The following ZBED5 variants were observed in gnomAD, a reference collection of about 807,000 sequenced individuals.
The protein encoded by ZBED5 is zinc finger BED-type containing 5.
ZBED5 carries 29 observed loss-of-function variants against 49.2 expected under a neutral mutation model. The ratio of observed to expected loss-of-function variants is 0.59; its 90% CI spans 0.44 to 0.80. ZBED5 has a LOEUF of 0.80. Among genes scored for constraint, ZBED5 ranks in the 30% least tolerant of loss-of-function variants. ZBED5 has a pLI of 0.00. For missense variants in ZBED5, 775 were observed against 812.9 expected, an observed-to-expected ratio of 0.95 and a Z score of 0.57; for synonymous variants, 281 against 292.5, an observed-to-expected ratio of 0.96 and a Z score of 0.40.
At position 10,857,429 on chromosome 11, in the gene ZBED5, A is replaced by G. The variant is rs1848198389; in HGVS notation, c.-256+433T>C. The G allele has an allele frequency of 6.6e-6, 1 of 152,220 alleles. No individual in the cohort carries two copies. Among genetic ancestry groups the G allele is most frequent in the African/African-American group, 2.4e-5 (1 of 41,420 alleles). The allele number at this position is 152,220 out of a possible 1,614,324, so 9.4% of individuals were successfully genotyped here. Reference sequence around the variant, plus strand: ...ATACCCTCAGGGTCAGGAGGACAGGATCTGAGTGCAGGCCAGCCAAAAAGG... The same window carrying G: ...ATACCCTCAGGGTCAGGAGGACAGGGTCTGAGTGCAGGCCAGCCAAAAAGG... On this transcript the variant is annotated intron_variant, in intron 1 of 2. Transcript: ENST00000413761. This position sits in a 1 kb window ranked among gnomAD's most constrained non-coding sequence, Gnocchi z 6.3.
chr11:10,855,992 A>G lies in ZBED5; in HGVS notation c.-142+152T>C, dbSNP rs1848174443. 1 of 152,132 alleles carries G rather than the reference A, an allele frequency of 6.6e-6. No homozygotes were observed. Among genetic ancestry groups the G allele is most frequent in the Non-Finnish European group, 1.5e-5 (1 of 68,020 alleles). 9.4% of individuals were successfully genotyped at this position (152,132 alleles called of 1,614,324 possible). A position where few individuals can be genotyped will look rare whatever the true frequency, so the allele number is the denominator to read the frequency against. ...TAAGGATTGCTAAAGAATACTATTAACTCTATAAATCAAGGCATACAAATT... is the reference window on the plus strand; with the variant it reads ...TAAGGATTGCTAAAGAATACTATTAGCTCTATAAATCAAGGCATACAAATT... On this transcript the variant is annotated intron_variant, in intron 2 of 2. Coordinates refer to ENST00000413761, the MANE Select transcript of ZBED5 (RefSeq NM_001143667.2). The surrounding 1 kb of genome is among the most constrained non-coding windows in gnomAD (Gnocchi z 4.1).
Position 10,858,009 on chromosome 11 carries a change from C to A in ZBED5, c.-403G>T. The A allele has an allele frequency of 3.6e-6, 1 of 280,824 alleles. No individual in the cohort carries two copies. The highest frequency in any genetic ancestry group is 6.6e-6 in the Non-Finnish European group (1 of 151,400). The allele number at this position is 280,824 out of a possible 1,614,324, so 17.4% of individuals were successfully genotyped here. A position where few individuals can be genotyped will look rare whatever the true frequency, so the allele number is the denominator to read the frequency against. On this transcript the variant is annotated 5_prime_UTR_variant, in exon 1 of 3. An upstream start codon of the reference 5' UTR is lost. Coordinates refer to ENST00000413761, the MANE Select transcript of ZBED5 (RefSeq NM_001143667.2). ...CTCAGCTCAGGGATATCGCCTAGGC[C>A]ATCTCCATAGAGATCCGATTCGCGG...
rs1443043613 is a variant in ZBED5, at chr11:10,855,282, TAAATTATTAAG to T, written c.-141-207_-141-197del. On this transcript the variant is annotated intron_variant, in intron 2 of 2. Coordinates refer to ENST00000413761, the MANE Select transcript of ZBED5 (RefSeq NM_001143667.2). This position sits in a 1 kb window ranked among gnomAD's most constrained non-coding sequence, Gnocchi z 4.1. ...CATAATTTGGGAATCACTGAGCCAA[TAAATTATTAAG>T]AGTTGTTATACATATTTTTAAGAAA... Among the ~76,000 whole-genome samples the T allele has an allele frequency of 6.6e-6, 1 of 152,114 alleles. No individual in the cohort carries two copies. Among genetic ancestry groups the T allele is most frequent in the African/African-American group, 2.4e-5 (1 of 41,430 alleles).
Position 10,857,387 on chromosome 11 carries a change from G to A in ZBED5, c.-256+475C>T, listed in dbSNP as rs969988891. 6 of 152,194 alleles carry A rather than the reference G, an allele frequency of 3.9e-5. No individual in the cohort carries two copies. The highest frequency in any genetic ancestry group is 2.6e-4 in the Admixed American group (4 of 15,284). The allele number at this position is 152,194 out of a possible 1,614,324, so 9.4% of individuals were successfully genotyped here. On this transcript the variant is annotated intron_variant, in intron 1 of 2. Transcript: ENST00000413761. This position sits in a 1 kb window ranked among gnomAD's most constrained non-coding sequence, Gnocchi z 6.3. Reference sequence around the variant, plus strand: ...AATCCTTTCTCCCCTATCTTCGGGCGGTTCCGGCTGGGAACAATACCCTCA... The same window carrying A: ...AATCCTTTCTCCCCTATCTTCGGGCAGTTCCGGCTGGGAACAATACCCTCA...
In ZBED5 at chr11:10,854,485, T is replaced by A; in HGVS notation, c.461A>T (p.Glu154Val). ...LAPSKLRRHL[E>V]TKHAAYKDKD... Reference sequence around the variant, plus strand: ...GTCTTTATATGCAGCATGTTTAGTTTCCAAATGTCTTCGAAGCTTACTAGG... The same window carrying A: ...GTCTTTATATGCAGCATGTTTAGTTACCAAATGTCTTCGAAGCTTACTAGG... Residue 154 changes from glutamate (E) to valine (V), a missense_variant, in exon 3 of 3, where the codon GAA becomes GTA. Physicochemically the swap from Glu to Val is moderately radical, Grantham distance 121 (BLOSUM62 -2). Transcript: ENST00000413761. The surrounding 1 kb of genome is among the most constrained non-coding windows in gnomAD (Gnocchi z 5.0). 6.4e-7 allele frequency: 1 copy of A among 1,551,518 alleles called. No individual in the cohort carries two copies. Among genetic ancestry groups the A allele is most frequent in the Non-Finnish European group, 8.7e-7 (1 of 1,146,902 alleles).
At chr11:10,856,889 T>C (rs1437504659) in intron 1 of ZBED5, among the ~76,000 whole-genome samples, 1 of 152,220 alleles carries the variant, frequency 6.6e-6, no homozygotes, top group East Asian at 1.9e-4. Context: ...GCATAGCCCA[T>C]GTGTCTAGCC....
chr11:10,855,126 A>G lies in ZBED5; in HGVS notation c.-141-40T>C. The G allele has an allele frequency of 1.4e-6, 1 of 730,800 alleles. No individual in the cohort carries two copies. Among genetic ancestry groups the G allele is most frequent in the Non-Finnish European group, 2.1e-6 (1 of 473,148 alleles). The allele number at this position is 730,800 out of a possible 1,614,324, so 45.3% of individuals were successfully genotyped here. Reference sequence around the variant, plus strand: ...ATCACATAAAAATAAAAGCTATAGAAATGAGTTTAGCAGTCTTAATCTCAT... The same window carrying G: ...ATCACATAAAAATAAAAGCTATAGAGATGAGTTTAGCAGTCTTAATCTCAT... On this transcript the variant is annotated intron_variant, in intron 2 of 2. Coordinates refer to ENST00000413761, the MANE Select transcript of ZBED5 (RefSeq NM_001143667.2). This position sits in a 1 kb window ranked among gnomAD's most constrained non-coding sequence, Gnocchi z 4.1.
rs1039613936 is a variant in ZBED5, at chr11:10,855,814, G to T, written c.-142+330C>A. ...TATATTATCCAAATTAAGACTCAAT[G>T]AAAGTAATGTATATTTTTACAGATA... On this transcript the variant is annotated intron_variant, in intron 2 of 2. Coordinates refer to ENST00000413761, the MANE Select transcript of ZBED5 (RefSeq NM_001143667.2). This position sits in a 1 kb window ranked among gnomAD's most constrained non-coding sequence, Gnocchi z 4.1. 1.5e-4 allele frequency: 23 copies of T among 151,886 alleles called. No individual in the cohort carries two copies. Among genetic ancestry groups the T allele is most frequent in the Admixed American group, 1.4e-3 (22 of 15,274 alleles). The allele number at this position is 151,886 out of a possible 1,614,324, so 9.4% of individuals were successfully genotyped here.
In ZBED5 at chr11:10,853,609, T is replaced by G. The variant is rs1490539587; in HGVS notation, c.1337A>C (p.Glu446Ala). The G allele has an allele frequency of 2.6e-6, 4 of 1,551,168 alleles. No individual in the cohort carries two copies. The highest frequency in any genetic ancestry group is 3.5e-6 in the Non-Finnish European group (4 of 1,146,876). The change falls in exon 3 of 3, where the codon GAA (glutamate) becomes GCA (alanine). Residue 446 changes from glutamate (E) to alanine (A), a missense_variant. Glu to Ala is a moderately radical substitution (Grantham distance 107, BLOSUM62 -1). Transcript: ENST00000413761. This position sits in a 1 kb window ranked among gnomAD's most constrained non-coding sequence, Gnocchi z 5.4. ...SRGKVLVRLFELRRELLVFMD... is the reference protein window; with the variant it reads ...SRGKVLVRLFALRRELLVFMD... Reference sequence around the variant, plus strand: ...GAAAACCAAAAGTTCACGACGAAGTTCAAAAAGTCTTACAAGAACTTTACC... The same window carrying G: ...GAAAACCAAAAGTTCACGACGAAGTGCAAAAAGTCTTACAAGAACTTTACC...
rs1848195888 is a variant in ZBED5, at chr11:10,857,309, G to C, written c.-256+553C>G. ...AAGTTTCCTTTCCACTCCCTGAAGA[G>C]CGGGGAAAACTTCCGTCTTTAGTCT... On this transcript the variant is annotated intron_variant, in intron 1 of 2. Transcript: ENST00000413761. The surrounding 1 kb of genome is among the most constrained non-coding windows in gnomAD (Gnocchi z 6.3). 6.6e-6 allele frequency: 1 copy of C among 152,234 alleles called. No homozygotes were observed. The highest frequency in any genetic ancestry group is 1.5e-5 in the Non-Finnish European group (1 of 68,060). The allele number at this position is 152,234 out of a possible 1,614,324, so 9.4% of individuals were successfully genotyped here. A position where few individuals can be genotyped will look rare whatever the true frequency, so the allele number is the denominator to read the frequency against.
intron 1 of ZBED5, 62 bp from the exon 2 acceptor site, chr11:10,856,319 G>T (rs1035388323): frequency 2.0e-5 from 3 of 152,196 alleles, no homozygotes; most frequent in Admixed American, 1.3e-4. Context: ...AAACCCGTAA[G>T]ATGGGTTTAT....
In ZBED5 at chr11:10,853,319, T is replaced by C; in HGVS notation, c.1627A>G (p.Lys543Glu). The change falls in exon 3 of 3, where the codon AAA (lysine) becomes GAA (glutamate). Residue 543 changes from lysine to glutamate, a missense_variant. Physicochemically the swap from Lys to Glu is moderately conservative, Grantham distance 56 (BLOSUM62 1). Coordinates refer to ENST00000413761, the MANE Select transcript of ZBED5 (RefSeq NM_001143667.2). The surrounding 1 kb of genome is among the most constrained non-coding windows in gnomAD (Gnocchi z 5.4). ...FLTEINSTVD[K>E]DICSAIVQHL... ...TGCACAATGGCACTGCAAATATCTT[T>C]ATCAACTGTAGAATTAATTTCAGTC... 6.4e-7 allele frequency: 1 copy of C among 1,551,690 alleles called. No individual in the cohort carries two copies.
Position 10,853,522 on chromosome 11 carries a change from G to C in ZBED5, c.1424C>G (p.Ala475Gly), listed in dbSNP as rs1360438206. ...TTTAGTAAAAATATCTGCAAGATAT[G>C]CAAGTCTTAGCAGCCAAGATGAATT... Reference protein sequence around the residue: ...LTNSSWLLRLAYLADIFTKLN... With the variant: ...LTNSSWLLRLGYLADIFTKLN... The change falls in exon 3 of 3, where the codon GCA becomes GGA. Residue 475 changes from alanine (A) to glycine (G), a missense_variant. Transcript: ENST00000413761. This position sits in a 1 kb window ranked among gnomAD's most constrained non-coding sequence, Gnocchi z 5.4. The C allele has an allele frequency of 2.6e-6, 4 of 1,550,322 alleles. No individual in the cohort carries two copies. Among genetic ancestry groups the C allele is most frequent in the Non-Finnish European group, 3.5e-6 (4 of 1,146,442 alleles).
In ZBED5 at chr11:10,854,063, A is replaced by G; in HGVS notation, c.883T>C (p.Tyr295His). The change falls in exon 3 of 3, where the codon TAT (tyrosine) becomes CAT (histidine). Residue 295 changes from tyrosine to histidine, a missense_variant. Tyr to His is a moderately conservative substitution (Grantham distance 83). Coordinates refer to ENST00000413761, the MANE Select transcript of ZBED5 (RefSeq NM_001143667.2). This position sits in a 1 kb window ranked among gnomAD's most constrained non-coding sequence, Gnocchi z 5.0. ...TCCTCAATAGACTTATTAAACCTAT[A>G]ACGAACAAACACAAGCAGCACAGCA... ...GLAVLLVFVR[Y>H]RFNKSIEEDL... 1 of 1,551,362 alleles carries G rather than the reference A, an allele frequency of 6.4e-7. No homozygotes were observed. Among genetic ancestry groups the G allele is most frequent in the Non-Finnish European group, 8.7e-7 (1 of 1,146,896 alleles).
Position 10,853,391 on chromosome 11 carries a change from C to G in ZBED5, c.1555G>C (p.Val519Leu). The G allele has an allele frequency of 6.5e-7, 1 of 1,550,236 alleles. No homozygotes were observed. ...LRKLEFWASS[V>L]EEENFDCFPT... ...AAACAATCAAAGTTTTCTTCTTCTA[C>G]AGATGAGGCCCAAAATTCCAATTTT... Residue 519 changes from valine (V) to leucine (L), a missense_variant, in exon 3 of 3, where the codon GTA (valine) becomes CTA (leucine). By Grantham distance (32) the Val-to-Leu change is conservative. Coordinates refer to ENST00000413761, the MANE Select transcript of ZBED5 (RefSeq NM_001143667.2). The surrounding 1 kb of genome is among the most constrained non-coding windows in gnomAD (Gnocchi z 5.4).
chr11:10,852,976 T>A lies in ZBED5; in HGVS notation c.1970A>T (p.Lys657Ile), dbSNP rs1439300686. ...TGCAGCATCAAGTCTTTTCCTATAT[T>A]TTGTTTTTGTTGCAGCGTAATATGA... ...GFSYYAATKT[K>I]YRKRLDAAPH... The change falls in exon 3 of 3, where the codon AAA becomes ATA. Residue 657 changes from lysine (K) to isoleucine (I), a missense_variant. Coordinates refer to ENST00000413761, the MANE Select transcript of ZBED5 (RefSeq NM_001143667.2). The A allele has an allele frequency of 1.7e-5, 26 of 1,551,628 alleles. No homozygotes were observed. The highest frequency in any genetic ancestry group is 2.3e-5 in the Non-Finnish European group (26 of 1,146,938).
At position 10,857,934 on chromosome 11, in the gene ZBED5, A is replaced by C; in HGVS notation, c.-328T>G. 6.1e-6 allele frequency: 1 copy of C among 164,302 alleles called. No homozygotes were observed. The highest frequency in any genetic ancestry group is 1.3e-5 in the Non-Finnish European group (1 of 76,386). 10.2% of individuals were successfully genotyped at this position (164,302 alleles called of 1,614,324 possible). ...AGGGGGAGGGGAGAGAGGGAGGGGA[A>C]TGAAAAACAAAACAGAGAGGAAAGA... On this transcript the variant is annotated 5_prime_UTR_variant, in exon 1 of 3. Transcript: ENST00000413761. The surrounding 1 kb of genome is among the most constrained non-coding windows in gnomAD (Gnocchi z 6.3).
chr11:10,854,734 T>C lies in ZBED5; in HGVS notation c.212A>G (p.Glu71Gly). The C allele has an allele frequency of 6.4e-7, 1 of 1,551,780 alleles. No individual in the cohort carries two copies. The highest frequency in any genetic ancestry group is 8.7e-7 in the Non-Finnish European group (1 of 1,146,980). Residue 71 changes from glutamate to glycine, a missense_variant, in exon 3 of 3, where the codon GAA becomes GGA. Physicochemically the swap from Glu to Gly is moderately conservative, Grantham distance 98. Transcript: ENST00000413761. The surrounding 1 kb of genome is among the most constrained non-coding windows in gnomAD (Gnocchi z 5.0). ...AACTGAAGGTTGCAACTGCTTATCTTCACTTTGTAATATTCCAACCTTCTG... is the reference window on the plus strand; with the variant it reads ...AACTGAAGGTTGCAACTGCTTATCTCCACTTTGTAATATTCCAACCTTCTG... ...NDQKVGILQSEDKQLQPSVSK... is the reference protein window; with the variant it reads ...NDQKVGILQSGDKQLQPSVSK...
Position 10,854,366 on chromosome 11 carries a change from T to C in ZBED5, c.580A>G (p.Thr194Ala), listed in dbSNP as rs1339191423. ...KIVNTDNESA[T>A]EASYNVSYHI... ...TAACTTACATTGTATGATGCTTCTG[T>C]AGCACTTTCATTATCTGTATTCACA... The change falls in exon 3 of 3, where the codon ACA becomes GCA. Residue 194 changes from threonine (T) to alanine (A), a missense_variant. Coordinates refer to ENST00000413761, the MANE Select transcript of ZBED5 (RefSeq NM_001143667.2). This position sits in a 1 kb window ranked among gnomAD's most constrained non-coding sequence, Gnocchi z 5.0. The C allele has an allele frequency of 6.4e-7, 1 of 1,550,916 alleles. No homozygotes were observed. Among genetic ancestry groups the C allele is most frequent in the Admixed American group, 2.0e-5 (1 of 51,008 alleles).
Sources: gnomAD v4.1 joint callset for allele counts (sites outside exome capture counted in the v4.1 genomes callset) on GRCh38, gnomAD v4.1.1 for gene constraint, Gnocchi (gnomAD v3.1) non-coding constraint, MANE v1.5 for transcripts, NCBI Gene and HGNC (gene_info 2026-07-23, HGNC 2026-07-21) for gene names.